The following HERC6 variants were observed in gnomAD, a reference collection of about 807,000 sequenced individuals.
The protein encoded by HERC6 is probable E3 ubiquitin-protein ligase HERC6.
Under a neutral mutation model 114.5 loss-of-function variants are expected in HERC6, and 101 were observed. That is an observed-to-expected ratio of 0.88 (90% confidence interval 0.75 to 1.04). The LOEUF is 1.04. HERC6 is among the 50% of genes least tolerant of loss of function. HERC6 has a pLI of 0.00. For missense variants in HERC6, 1,133 were observed against 1,230.9 expected, an observed-to-expected ratio of 0.92 and a Z score of 1.19; for synonymous variants, 408 against 436.2, an observed-to-expected ratio of 0.94 and a Z score of 0.81.
At chr4:88,405,165 G>A in intron 9 of HERC6, 168 bp downstream of exon 9, 3 of 761,210 alleles carry the variant, frequency 3.9e-6, no homozygotes, top group Non-Finnish European at 6.0e-6. Context: ...CTCATTTACA[G>A]ATATATGGAG....
intron 3 of HERC6, among the ~76,000 whole-genome samples, chr4:88,389,675 C>T (rs1276969854): frequency 6.6e-6 from 1 of 151,536 alleles, no homozygotes; most frequent in Non-Finnish European, 1.5e-5. Flanking sequence ...ACCTGGACCG[C>T]CCCGCTTGCC....
rs372362165 is a variant in HERC6 at position 88,431,380 on chromosome 4, T to C, written c.2250+75T>C. On this transcript the variant is annotated intron_variant, in intron 17 of 22. Coordinates refer to ENST00000264346, the MANE Select transcript of HERC6 (RefSeq NM_017912.4). ...TATACTGCAACATTAACACCATAGA[T>C]AGTGGTGTAAAATTAGGTCATATAG... The C allele has an allele frequency of 1.2e-4, 176 of 1,458,624 alleles. 3 individuals carry two copies. The South Asian group carries it at 2.0e-3, about 17-fold the overall frequency. The allele number at this position is 1,458,624 out of a possible 1,614,324, so 90.4% of individuals were successfully genotyped here. A position where few individuals can be genotyped will look rare whatever the true frequency, so the allele number is the denominator to read the frequency against.
intron 15 of HERC6, among the ~76,000 whole-genome samples, chr4:88,425,286 A>G (rs1356580398): frequency 6.6e-6 from 1 of 152,230 alleles, no homozygotes; most frequent in African/African-American, 2.4e-5. Context: ...AATGCAGAGT[A>G]TTATCAAGCT....
chr4:88,434,765 C>CAAAA (rs761784879), intron 17 of HERC6, among the ~76,000 whole-genome samples: 3 of 103,310 alleles, frequency 2.9e-5, no homozygotes, highest in East Asian at 2.5e-4. Context: ...AAAACAGAGA[C>CAAAA]AAAAAAAAAA....
At position 88,404,193 on chromosome 4, in the gene HERC6, C is replaced by CT. The variant is rs202005015; in HGVS notation, c.1093-667dup. 2.6e-3 allele frequency among the ~76,000 whole-genome samples: 356 copies of CT among 137,112 alleles called. 1 individual carries two copies. Among genetic ancestry groups the CT allele is most frequent in the East Asian group, 5.1e-3 (24 of 4,692 alleles). The allele number at this position is 137,112 out of a possible 152,430, so 90.0% of individuals were successfully genotyped here. A position where few individuals can be genotyped will look rare whatever the true frequency, so the allele number is the denominator to read the frequency against. On this transcript the variant is annotated intron_variant, in intron 8 of 22. Coordinates refer to ENST00000264346, the MANE Select transcript of HERC6 (RefSeq NM_017912.4). The stretch of plus-strand genomic sequence containing the variant: ...TGTAGCATGTGTCAGAATTTCATTT[C>CT]TTTTTTTTTTTTTTTTGAGATGGAG...
chr4:88,440,468 G>A, intron 22 of HERC6: 1 of 465,070 alleles, frequency 2.2e-6, no homozygotes, highest in Non-Finnish European at 3.8e-6. Flanking sequence ...CTGCTACAGA[G>A]AGGGGTCCCA....
intron 7 of HERC6, among the ~76,000 whole-genome samples, chr4:88,397,491 A>G (rs541734251): frequency 1.5e-3 from 229 of 152,128 alleles, no homozygotes; most frequent in Non-Finnish European, 2.9e-3. Flanking sequence ...GATTAAGGTA[A>G]GTTCAAGACC....
intron 14 of HERC6, 36 bp from the exon 15 acceptor site, chr4:88,424,559 T>A: frequency 6.9e-7 from 1 of 1,447,144 alleles, no homozygotes; most frequent in South Asian, 1.2e-5. Context: ...TCATTGTTTT[T>A]AATTATCAAA....
chr4:88,413,118 A>G lies in HERC6; in HGVS notation c.1410A>G (p.Pro470=), dbSNP rs547230116. 9 of 1,613,478 alleles carry G rather than the reference A, an allele frequency of 5.6e-6. No individual in the cohort carries two copies. Among genetic ancestry groups the G allele is most frequent in the African/African-American group, 1.3e-5 (1 of 74,982 alleles). Residue 470 remains proline (P), a synonymous_variant, in exon 12 of 23, where the codon CCA becomes CCG. Coordinates refer to ENST00000264346, the MANE Select transcript of HERC6 (RefSeq NM_017912.4). ...AGGATGATCTGCTCAGAGCTCTTCC[A>G]TGCCATTCTCCACACCAAGAAGCTT... The part of the protein sequence containing the change: ...CLEDDLLRAL[P]CHSPHQEALS...
At chr4:88,431,695 G>A (rs894111702) in intron 17 of HERC6, among the ~76,000 whole-genome samples, 3 of 152,188 alleles carry the variant, frequency 2.0e-5, no homozygotes, top group Admixed American at 6.5e-5. Flanking sequence ...ACTGAGGTGG[G>A]AGGATTGCTT....
chr4:88,417,655 C>A, intron 13 of HERC6, 76 bp downstream of exon 13: 1 of 1,231,048 alleles, frequency 8.1e-7, no homozygotes, highest in Non-Finnish European at 1.1e-6. Flanking sequence ...AGTTGGACTT[C>A]TAAGAAGTCA....
rs893129705 is a variant in HERC6, at chr4:88,442,589, G to C, written c.*129G>C. The C allele has an allele frequency of 1.6e-5, 12 of 750,478 alleles. No individual in the cohort carries two copies. The African/African-American group carries it at 2.1e-4, about 13-fold the overall frequency. 46.5% of individuals were successfully genotyped at this position (750,478 alleles called of 1,614,324 possible). A position where few individuals can be genotyped will look rare whatever the true frequency, so the allele number is the denominator to read the frequency against. On this transcript the variant is annotated 3_prime_UTR_variant, in exon 23 of 23. Transcript: ENST00000264346. Reference sequence around the variant, plus strand: ...TTGAGGGAGAGATTGGGGGAATGGGGAGATGATGATGATGGTCAAAGGGTG... The same window carrying C: ...TTGAGGGAGAGATTGGGGGAATGGGCAGATGATGATGATGGTCAAAGGGTG...
Position 88,421,421 on chromosome 4 carries a change from G to C in HERC6, c.1714-2439G>C, listed in dbSNP as rs72879372. On this transcript the variant is annotated intron_variant, in intron 13 of 22. Coordinates refer to ENST00000264346, the MANE Select transcript of HERC6 (RefSeq NM_017912.4). ...CCACTAGCAATGTATGACAGTTCTA[G>C]TTTTTCCACGTTCTTTTTTCTTTTC... Among the ~76,000 whole-genome samples the C allele has an allele frequency of 2.6e-3, 392 of 150,536 alleles. 1 individual carries two copies. The highest frequency in any genetic ancestry group is 8.8e-3 in the African/African-American group (361 of 41,100).
At chr4:88,386,367 G>A (rs919452093) in intron 3 of HERC6, among the ~76,000 whole-genome samples, 2 of 151,652 alleles carry the variant, frequency 1.3e-5, no homozygotes, top group Non-Finnish European at 2.9e-5. Flanking sequence ...CACCATGCCC[G>A]GCTAATTTTT....
rs1300282844 is a variant in HERC6, at chr4:88,439,120, TGGATGG to T, written c.2556-753_2556-748del. Among the ~76,000 whole-genome samples, 1,065 of 152,260 alleles carry T rather than the reference TGGATGG, an allele frequency of 7.0e-3. 17 individuals carry two copies. The highest frequency in any genetic ancestry group is 0.024 in the African/African-American group (1,012 of 41,532). On this transcript the variant is annotated intron_variant, in intron 20 of 22. Transcript: ENST00000264346. ...AAGTCTTACTTATATTGAAATCTAA[TGGATGG>T]TAGAAGTTATCAGGTAAAGAAGAAA...
chr4:88,396,409 C>A (rs1274085200), intron 6 of HERC6, among the ~76,000 whole-genome samples: 1 of 152,106 alleles, frequency 6.6e-6, no homozygotes, highest in Non-Finnish European at 1.5e-5. Context: ...AATAGCAGAG[C>A]TTTCCTGCTT....
chr4:88,435,912 T>C (rs779047278), intron 18 of HERC6, 21 bp downstream of exon 18: 6 of 1,577,990 alleles, frequency 3.8e-6, no homozygotes, highest in Admixed American at 1.8e-5. Flanking sequence ...ATAACGTTTT[T>C]TCAGGACCGT....
intron 6 of HERC6, 21 bp downstream of exon 6, chr4:88,396,163 CT>C: frequency 6.5e-7 from 1 of 1,535,036 alleles, no homozygotes; most frequent in South Asian, 1.3e-5. Context: ...TCTTCTTCTT[CT>C]TTTTCTTAGC....
chr4:88,428,883 C>T, intron 16 of HERC6, 133 bp downstream of exon 16: 2 of 672,192 alleles, frequency 3.0e-6, no homozygotes. Context: ...CAGAATTCCC[C>T]TCTTACCCTT....
Sources: gnomAD v4.1 joint callset for allele counts (sites outside exome capture counted in the v4.1 genomes callset) on GRCh38, gnomAD v4.1.1 for gene constraint, MANE v1.5 for transcripts, NCBI Gene and HGNC (gene_info 2026-07-23, HGNC 2026-07-21) for gene names.